The following SYN3 variants were observed in gnomAD, a reference collection of about 807,000 sequenced individuals.
The protein encoded by SYN3 is synapsin-3.
In SYN3, 35 loss-of-function variants were observed where a neutral mutation model predicts 65.8. The observed-to-expected ratio is 0.53, with a 90% CI of 0.41 to 0.70. The LOEUF (loss-of-function observed/expected upper bound fraction) is 0.70. Ranked by LOEUF, SYN3 falls within the 30% of genes least tolerant of loss-of-function variation. SYN3 has a pLI of 0.00. For missense variants in SYN3, 680 were observed against 749.0 expected (o/e 0.91, Z 1.08); for synonymous variants, 270 against 292.9 (o/e 0.92, Z 0.80).
At chr22:32,819,994 A>G (rs2047190228) in intron 6 of SYN3, among the ~76,000 whole-genome samples, 2 of 151,868 alleles carry the variant, frequency 1.3e-5, no homozygotes, top group African/African-American at 4.9e-5. Flanking sequence ...TGTTTGTTTT[A>G]GAGCCCAAGG....
chr22:32,998,688 C>T (rs1172442702), intron 2 of SYN3, among the ~76,000 whole-genome samples: 1 of 150,608 alleles, frequency 6.6e-6, no homozygotes, highest in Non-Finnish European at 1.5e-5. Context: ...TACACCAACT[C>T]CACCTGTCTT....
At chr22:32,606,362 T>A (rs2146655867) in intron 6 of SYN3, among the ~76,000 whole-genome samples, 1 of 152,334 alleles carries the variant, frequency 6.6e-6, no homozygotes, top group East Asian at 1.9e-4. Context: ...CTCCCACGGC[T>A]GCTTCATAAA....
At chr22:32,528,116 C>A in intron 11 of SYN3, 111 bp from the exon 12 acceptor site, 1 of 847,544 alleles carries the variant, frequency 1.2e-6, no homozygotes, top group Non-Finnish European at 1.8e-6. Flanking sequence ...GACTCTTACA[C>A]ATAAAGTGTA....
intron 2 of SYN3, among the ~76,000 whole-genome samples, chr22:32,998,791 A>AAAAAAAAAAAAAAAAAC (rs1569393622): frequency 7.0e-6 from 1 of 142,254 alleles, no homozygotes; most frequent in African/African-American, 2.6e-5. Context: ...AAAAAAAAAA[A>AAAAAAAAAAAAAAAAAC]AAAAAAAACA....
intron 6 of SYN3, among the ~76,000 whole-genome samples, chr22:32,623,190 G>GT (rs950679972): frequency 3.3e-5 from 5 of 150,716 alleles, no homozygotes; most frequent in Non-Finnish European, 1.5e-5. Flanking sequence ...TTTTGTCATA[G>GT]TTTTTTTTTC....
chr22:32,663,943 C>T (rs1311182917), intron 6 of SYN3, among the ~76,000 whole-genome samples: 3 of 151,872 alleles, frequency 2.0e-5, no homozygotes, highest in Non-Finnish European at 4.4e-5. Flanking sequence ...CCCCCCCACA[C>T]TGCACATTTT....
intron 6 of SYN3, among the ~76,000 whole-genome samples, chr22:32,838,090 T>C (rs564900473): frequency 2.6e-5 from 4 of 152,308 alleles, no homozygotes; most frequent in African/African-American, 9.6e-5. Context: ...TGTCTTCTTG[T>C]CTCACAAGAG....
At chr22:32,713,830 C>CA (rs5845019) in intron 6 of SYN3, among the ~76,000 whole-genome samples, 1,348 of 105,782 alleles carry the variant, frequency 0.013, 17 homozygotes, top group East Asian at 0.025. Flanking sequence ...GACCCCGTCT[C>CA]AAAAAAAAAA....
At chr22:32,517,545 CTTT>C (rs151187441) in intron 13 of SYN3, among the ~76,000 whole-genome samples, 1 of 151,166 alleles carries the variant, frequency 6.6e-6, no homozygotes, top group East Asian at 1.9e-4. Flanking sequence ...AAAGCTAAGA[CTTT>C]TTTTTTAGTG....
chr22:32,948,459 A>G (rs241756), intron 3 of SYN3, among the ~76,000 whole-genome samples: 91,055 of 151,968 alleles, frequency 0.6, 27,459 homozygotes, highest in East Asian at 0.78. Context: ...TCTTTGGGCC[A>G]GGCGCGGTGG....
In SYN3 at chr22:32,815,068, C is replaced by A. The variant is rs73158320; in HGVS notation, c.711+49847G>T. On this transcript the variant is annotated intron_variant, in intron 6 of 13. Transcript: ENST00000358763. The stretch of plus-strand genomic sequence containing the variant: ...AGCATATCTCAGTTTGGACTAGTTG[C>A]GTTTCAGCTACCTGTGGTTAGTGGC... Among the ~76,000 whole-genome samples, 539 of 152,302 alleles carry A rather than the reference C, an allele frequency of 3.5e-3. 4 individuals are homozygous for A. Among genetic ancestry groups the A allele is most frequent in the South Asian group, 5.2e-3 (25 of 4,822 alleles).
chr22:32,909,642 C>T (rs1292781997), intron 4 of SYN3, among the ~76,000 whole-genome samples: 1 of 147,472 alleles, frequency 6.8e-6, no homozygotes, highest in Admixed American at 6.8e-5. Context: ...CTTACCTCAC[C>T]CCCAGCTGAA....
At chr22:32,679,467 T>C (rs1472299759) in intron 6 of SYN3, among the ~76,000 whole-genome samples, 1 of 152,236 alleles carries the variant, frequency 6.6e-6, no homozygotes, top group Admixed American at 6.5e-5. Context: ...TTTGAGATCC[T>C]GATCTCAATT....
intron 6 of SYN3, among the ~76,000 whole-genome samples, chr22:32,852,855 T>G (rs2048261283): frequency 6.6e-6 from 1 of 152,188 alleles, no homozygotes; most frequent in Non-Finnish European, 1.5e-5. Context: ...CTGGCTGCTC[T>G]AAGCTGTGGG....
chr22:32,561,291 G>A (rs2146353031), intron 7 of SYN3, among the ~76,000 whole-genome samples: 1 of 152,316 alleles, frequency 6.6e-6, no homozygotes, highest in East Asian at 1.9e-4. Flanking sequence ...TGACTTCACT[G>A]AGACACTCAT....
At chr22:32,546,422 A>T (rs2058336543) in intron 7 of SYN3, among the ~76,000 whole-genome samples, 2 of 152,354 alleles carry the variant, frequency 1.3e-5, no homozygotes, top group African/African-American at 4.8e-5. Context: ...TAAGGTGGAT[A>T]TTTCCATGCA....
intron 6 of SYN3, among the ~76,000 whole-genome samples, chr22:32,622,613 T>G (rs1029494686): frequency 9.9e-5 from 15 of 151,674 alleles, no homozygotes; most frequent in African/African-American, 3.4e-4. Flanking sequence ...TCGGTTAACA[T>G]TCCAGAAAGT....
intron 3 of SYN3, among the ~76,000 whole-genome samples, 168 bp from the exon 4 acceptor site, chr22:32,931,649 T>C (rs187844728): frequency 6.6e-6 from 1 of 152,330 alleles, no homozygotes; most frequent in Admixed American, 6.5e-5. Context: ...ATGAGGAAGC[T>C]GAGGCTCTAA....
chr22:32,671,487 G>A (rs2060362730), intron 6 of SYN3, among the ~76,000 whole-genome samples: 1 of 151,608 alleles, frequency 6.6e-6, no homozygotes, highest in East Asian at 1.9e-4. Flanking sequence ...ACACACACAT[G>A]CTGTCGCACA....
Sources: allele counts gnomAD v4.1 joint callset (sites outside exome capture counted in the v4.1 genomes callset), GRCh38; gene constraint gnomAD v4.1.1; transcripts MANE v1.5; gene names NCBI Gene and HGNC (gene_info 2026-07-23, HGNC 2026-07-21).